Variants in PCDHA9 observed in about 807,000 individuals in gnomAD.
The protein encoded by PCDHA9 is protocadherin alpha 9.
In PCDHA9, 62 loss-of-function variants were observed where a neutral mutation model predicts 62.0. That is an observed-to-expected ratio of 1.00 (90% confidence interval 0.81 to 1.23). The LOEUF (loss-of-function observed/expected upper bound fraction) is 1.23, where lower values mean the gene tolerates loss of function less well. PCDHA9 is among the 50% of genes most tolerant of loss of function. The pLI is 0.00. For synonymous variants in PCDHA9, 557 were observed against 567.6 expected (o/e 0.98, Z 0.27); for missense variants, 1,205 against 1,249.8 (o/e 0.96, Z 0.54).
intron 1 of PCDHA9, among the ~76,000 whole-genome samples, chr5:140,923,304 G>A (rs933906504): frequency 6.6e-6 from 1 of 152,172 alleles, no homozygotes; most frequent in African/African-American, 2.4e-5. Context: ...TGGGCGTGGG[G>A]GCGCTTGGCC....
chr5:140,971,488 A>G (rs17119328), intron 1 of PCDHA9, among the ~76,000 whole-genome samples: 1 of 152,104 alleles, frequency 6.6e-6, no homozygotes, highest in African/African-American at 2.4e-5. Flanking sequence ...ACATTGTTAC[A>G]GTGTGGCAAG....
chr5:140,849,848 C>G lies in PCDHA9; in HGVS notation c.1353C>G (p.Asn451Lys), dbSNP rs1554143388. ...VSVEVADVND[N>K]APAFAQSEYT... Reference sequence around the variant, plus strand: ...TGGAGGTGGCCGACGTGAACGACAACGCACCAGCGTTCGCGCAGTCCGAGT... The same window carrying G: ...TGGAGGTGGCCGACGTGAACGACAAGGCACCAGCGTTCGCGCAGTCCGAGT... The change falls in exon 1 of 4, where the codon AAC becomes AAG. Residue 451 changes from asparagine (N) to lysine (K), a missense_variant. By Grantham distance (94) the Asn-to-Lys change is moderately conservative. Around this residue, in one of 3 missense-constraint regions of PCDHA9, gnomAD observed 887 missense variants for 809.5 expected, o/e 1.10. Transcript: ENST00000532602. 1.9e-6 allele frequency: 3 copies of G among 1,598,430 alleles called. No individual in the cohort carries two copies. Among genetic ancestry groups the G allele is most frequent in the African/African-American group, 1.3e-5 (1 of 74,394 alleles).
chr5:140,884,762 A>C, intron 1 of PCDHA9: 1 of 1,423,132 alleles, frequency 7.0e-7, no homozygotes, highest in Non-Finnish European at 9.2e-7. Flanking sequence ...ATTATTCTTT[A>C]CTTTAATTTT....
Position 141,009,995 on chromosome 5 carries a change from C to T in PCDHA9, c.*58C>T, listed in dbSNP as rs1178395504. 6.3e-7 allele frequency: 1 copy of T among 1,576,476 alleles called. No individual in the cohort carries two copies. The highest frequency in any genetic ancestry group is 8.6e-7 in the Non-Finnish European group (1 of 1,165,244). ...TTTTTGTAATAATGGCAAATCTCTC[C>T]CATGTAGCAATTCCCTGCTCCTTTT... On this transcript the variant is annotated 3_prime_UTR_variant, in exon 4 of 4. Coordinates refer to ENST00000532602, the MANE Select transcript of PCDHA9 (RefSeq NM_031857.2).
intron 1 of PCDHA9, among the ~76,000 whole-genome samples, chr5:140,900,338 C>T (rs145242611): frequency 0.027 from 4,159 of 152,082 alleles, 89 homozygotes; most frequent in Non-Finnish European, 0.044. Flanking sequence ...AGTACCGTGG[C>T]GCAATCTTGG....
intron 1 of PCDHA9, chr5:140,861,473 T>A: frequency 2.0e-6 from 1 of 491,574 alleles, no homozygotes; most frequent in Non-Finnish European, 4.2e-6. Context: ...ATCTGCAGAA[T>A]GGCATTTTTG....
At chr5:140,870,715 G>C in intron 1 of PCDHA9, 1 of 1,613,128 alleles carries the variant, frequency 6.2e-7, no homozygotes, top group Non-Finnish European at 8.5e-7. Context: ...GAGCGCGCGC[G>C]ATGCGGGCGT....
At chr5:140,966,885 C>G in intron 1 of PCDHA9, 1 of 1,590,818 alleles carries the variant, frequency 6.3e-7, no homozygotes, top group Non-Finnish European at 8.5e-7. Flanking sequence ...CCTGGCCCTG[C>G]GGCCTCCCAG....
At chr5:140,856,781 G>C in intron 1 of PCDHA9, 1 of 1,596,356 alleles carries the variant, frequency 6.3e-7, no homozygotes, top group South Asian at 1.1e-5. Context: ...TGACAGACCG[G>C]TTTATGAAGT....
At chr5:140,963,195 T>TG (rs1323958663) in intron 1 of PCDHA9, among the ~76,000 whole-genome samples, 4 of 150,680 alleles carry the variant, frequency 2.7e-5, no homozygotes, top group Non-Finnish European at 5.9e-5. Flanking sequence ...ACTGTGAAAA[T>TG]GAAAAAAAAA....
intron 1 of PCDHA9, among the ~76,000 whole-genome samples, chr5:140,907,552 C>A (rs576974083): frequency 1.4e-4 from 21 of 152,278 alleles, no homozygotes; most frequent in Admixed American, 1.3e-3. Flanking sequence ...GGAAGAGGTC[C>A]AATATAATCA....
chr5:140,858,663 C>A, intron 1 of PCDHA9: 1 of 735,366 alleles, frequency 1.4e-6, no homozygotes, highest in Non-Finnish European at 2.1e-6. Flanking sequence ...TTTTAAATAA[C>A]AATTTATTCT....
intron 1 of PCDHA9, among the ~76,000 whole-genome samples, chr5:140,901,699 A>G (rs1373176124): frequency 6.6e-6 from 1 of 152,124 alleles, no homozygotes; most frequent in East Asian, 1.9e-4. Context: ...TTGTAGTTCT[A>G]TATACATTTT....
intron 3 of PCDHA9, among the ~76,000 whole-genome samples, chr5:140,990,902 C>G (rs2097421729): frequency 6.6e-6 from 1 of 152,112 alleles, no homozygotes; most frequent in African/African-American, 2.4e-5. Flanking sequence ...GTTGCTGGGT[C>G]AAGTTTTATA....
At chr5:140,937,736 C>T (rs778178538) in intron 1 of PCDHA9, among the ~76,000 whole-genome samples, 84 of 151,896 alleles carry the variant, frequency 5.5e-4, no homozygotes, top group Non-Finnish European at 1.1e-3. Context: ...CACGGTGAAA[C>T]CCCGTCTCTA....
Position 140,899,489 on chromosome 5 carries a change from A to G in PCDHA9, c.2394+48600A>G, listed in dbSNP as rs1445369123. 2.0e-5 allele frequency among the ~76,000 whole-genome samples: 3 copies of G among 152,246 alleles called. 1 individual carries two copies. Among genetic ancestry groups the G allele is most frequent in the Non-Finnish European group, 4.4e-5 (3 of 68,052 alleles). On this transcript the variant is annotated intron_variant, in intron 1 of 3. Coordinates refer to ENST00000532602, the MANE Select transcript of PCDHA9 (RefSeq NM_031857.2). ...TTTGGTTCTGTTTATATGCTGGATT[A>G]CATTTATTGATTTGCATATATTGCA...
chr5:140,892,497 T>C (rs1459778884), intron 1 of PCDHA9, among the ~76,000 whole-genome samples: 1 of 152,238 alleles, frequency 6.6e-6, no homozygotes, highest in Non-Finnish European at 1.5e-5. Context: ...GAGAGATTGT[T>C]TAAGAAGTTC....
rs374162485 is a variant in PCDHA9 at position 140,856,517 on chromosome 5, T to A, written c.2394+5628T>A. 8 of 1,598,368 alleles carry A rather than the reference T, an allele frequency of 5.0e-6. 1 individual carries two copies. Among genetic ancestry groups the A allele is most frequent in the Non-Finnish European group, 6.0e-6 (7 of 1,167,940 alleles). On this transcript the variant is annotated intron_variant, in intron 1 of 3. Coordinates refer to ENST00000532602, the MANE Select transcript of PCDHA9 (RefSeq NM_031857.2). ...CTCTCGATTTCCACTAGAAGGCGCA[T>A]CTGATGCGGATGTTGGAGAGAACGC...
At position 140,880,491 on chromosome 5, in the gene PCDHA9, A is replaced by G. The variant is rs570569134; in HGVS notation, c.2394+29602A>G. Among the ~76,000 whole-genome samples, 6 of 152,342 alleles carry G rather than the reference A, an allele frequency of 3.9e-5. No individual in the cohort carries two copies. In the South Asian group the frequency reaches 1.2e-3, roughly 32 times the overall value. On this transcript the variant is annotated intron_variant, in intron 1 of 3. Transcript: ENST00000532602. Reference sequence around the variant, plus strand: ...AGGAAAAATGACACAAGAAGAGAGCAATTGAATTTCTGTTTGGTCACATCT... The same window carrying G: ...AGGAAAAATGACACAAGAAGAGAGCGATTGAATTTCTGTTTGGTCACATCT...
Sources: gnomAD v4.1 joint callset for allele counts (sites outside exome capture counted in the v4.1 genomes callset) on GRCh38, gnomAD v4.1.1 for gene constraint, gnomAD v4.1.1 regional missense constraint, MANE v1.5 for transcripts, NCBI Gene and HGNC (gene_info 2026-07-23, HGNC 2026-07-21) for gene names.